Variants in METTL9 observed in about 807,000 individuals in gnomAD.
METTL9 encodes methyltransferase 9, His-X-His N1(pi)-histidine, also known as protein-L-histidine N-pros-methyltransferase.
METTL9 carries 10 observed loss-of-function variants against 36.0 expected under a neutral mutation model. The ratio of observed to expected loss-of-function variants is 0.28; its 90% CI spans 0.17 to 0.47. The LOEUF (loss-of-function observed/expected upper bound fraction) is 0.47. Ranked by LOEUF, METTL9 falls within the 20% of genes least tolerant of loss-of-function variation. The probability of loss-of-function intolerance (pLI) is 0.99; values close to 1 mark genes in which losing one functional copy is unlikely to be tolerated. For missense variants in METTL9, 246 were observed against 383.5 expected (o/e 0.64, Z 3.00); for synonymous variants, 175 against 149.7 (o/e 1.17, Z -1.23).
At chr16:21,645,298 C>T (rs1246301635) in intron 4 of METTL9, among the ~76,000 whole-genome samples, 1 of 152,018 alleles carries the variant, frequency 6.6e-6, no homozygotes, top group Non-Finnish European at 1.5e-5. Context: ...ACTAAAAATA[C>T]CAAAATTAGC....
intron 4 of METTL9, chr16:21,641,523 T>G (rs779697190): frequency 1.5e-5 from 24 of 1,554,706 alleles, no homozygotes; most frequent in Non-Finnish European, 1.9e-5. Context: ...TCATTGAAAA[T>G]TAAAACGTTT....
intron 4 of METTL9, chr16:21,626,973 C>G (rs1965830123): frequency 1.0e-6 from 1 of 985,308 alleles, no homozygotes; most frequent in Non-Finnish European, 1.2e-6. Flanking sequence ...AGAGGGAAGT[C>G]TCCATGAAGT....
intron 4 of METTL9, among the ~76,000 whole-genome samples, chr16:21,636,289 G>A (rs188872226): frequency 8.5e-5 from 13 of 152,318 alleles, no homozygotes; most frequent in African/African-American, 3.1e-4. Flanking sequence ...TAAAATTCCA[G>A]AGTTCCCCCT....
intron 4 of METTL9, among the ~76,000 whole-genome samples, chr16:21,633,063 C>T (rs891777260): frequency 1.3e-5 from 2 of 152,106 alleles, no homozygotes; most frequent in African/African-American, 2.4e-5. Flanking sequence ...CTGGCTATCT[C>T]GCTGTATCTG....
chr16:21,616,956 CT>C (rs989955463), intron 2 of METTL9, among the ~76,000 whole-genome samples: 4 of 152,132 alleles, frequency 2.6e-5, no homozygotes, highest in African/African-American at 9.7e-5. Flanking sequence ...TCACATTCAT[CT>C]CTTACTTATT....
Position 21,655,668 on chromosome 16 carries a change from T to C in METTL9, c.*236T>C, listed in dbSNP as rs1323858385. The C allele has an allele frequency of 2.1e-6, 1 of 467,630 alleles. No homozygotes were observed. Among genetic ancestry groups the C allele is most frequent in the Non-Finnish European group, 3.8e-6 (1 of 264,338 alleles). 29.0% of individuals were successfully genotyped at this position (467,630 alleles called of 1,614,324 possible). A position where few individuals can be genotyped will look rare whatever the true frequency, so the allele number is the denominator to read the frequency against. Reference sequence around the variant, plus strand: ...TTATCAACTCTTTACTCAGAGCCACTCTCCAATGCAGGTCACACTCCAATT... The same window carrying C: ...TTATCAACTCTTTACTCAGAGCCACCCTCCAATGCAGGTCACACTCCAATT... On this transcript the variant is annotated 3_prime_UTR_variant, in exon 5 of 5. Transcript: ENST00000358154.
intron 4 of METTL9, among the ~76,000 whole-genome samples, chr16:21,638,460 C>A (rs1966162598): frequency 6.6e-6 from 1 of 152,132 alleles, no homozygotes; most frequent in Non-Finnish European, 1.5e-5. Flanking sequence ...CTACATATCT[C>A]AATTTAAATG....
At chr16:21,631,366 G>A (rs377434482) in intron 4 of METTL9, among the ~76,000 whole-genome samples, 2 of 152,076 alleles carry the variant, frequency 1.3e-5, no homozygotes, top group African/African-American at 4.8e-5. Context: ...TTTAAGTTTG[G>A]GATTTCAATT....
chr16:21,605,254 C>CTTTT (rs1555488566), intron 1 of METTL9, among the ~76,000 whole-genome samples: 1 of 41,798 alleles, frequency 2.4e-5, no homozygotes, highest in Non-Finnish European at 4.9e-5. Context: ...ATAGGCTTGC[C>CTTTT]TTCTTTTTTT....
chr16:21,637,258 AGC>A (rs1372413842), intron 4 of METTL9, among the ~76,000 whole-genome samples: 1 of 152,120 alleles, frequency 6.6e-6, no homozygotes, highest in Non-Finnish European at 1.5e-5. Flanking sequence ...GTTTTGACAG[AGC>A]GCTGATTTGT....
At chr16:21,643,480 T>C in intron 4 of METTL9, 4 of 1,022,916 alleles carry the variant, frequency 3.9e-6, no homozygotes, top group East Asian at 2.5e-5. Context: ...AGCTAAAAAA[T>C]ATTTCAGTTT....
At chr16:21,598,301 A>T (rs949057386), upstream of METTL9, among the ~76,000 whole-genome samples, 3 of 149,830 alleles carry the variant, frequency 2.0e-5, no homozygotes, top group African/African-American at 7.4e-5. Flanking sequence ...GTGAGCCGAG[A>T]TCGAGCCACT....
At chr16:21,652,566 G>T in intron 4 of METTL9, 2 of 1,611,062 alleles carry the variant, frequency 1.2e-6, no homozygotes, top group Non-Finnish European at 1.7e-6. Flanking sequence ...TTTGCAGATG[G>T]CGAGCGATGT....
At position 21,656,752 on chromosome 16, in the gene METTL9, C is replaced by G. The variant is rs1966719890; in HGVS notation, c.*1320C>G. 6.6e-6 allele frequency: 1 copy of G among 152,146 alleles called. No individual in the cohort carries two copies. Among genetic ancestry groups the G allele is most frequent in the South Asian group, 2.1e-4 (1 of 4,832 alleles). The allele number at this position is 152,146 out of a possible 1,614,324, so 9.4% of individuals were successfully genotyped here. A position where few individuals can be genotyped will look rare whatever the true frequency, so the allele number is the denominator to read the frequency against. On this transcript the variant is annotated 3_prime_UTR_variant, in exon 5 of 5. Transcript: ENST00000358154. ...TCAGATCAACACATTCACTCCAACACCTGGGTATAAAGGCGAATTAAAACC... is the reference window on the plus strand; with the variant it reads ...TCAGATCAACACATTCACTCCAACAGCTGGGTATAAAGGCGAATTAAAACC...
At chr16:21,624,808 A>G in intron 3 of METTL9, 123 bp from the exon 4 acceptor site, 4 of 836,718 alleles carry the variant, frequency 4.8e-6, no homozygotes, top group Non-Finnish European at 7.5e-6. Flanking sequence ...AACATAAATT[A>G]TAACAGAAGA....
intron 4 of METTL9, chr16:21,647,427 C>T: frequency 6.2e-7 from 1 of 1,614,072 alleles, no homozygotes. Flanking sequence ...GTGACGGCCT[C>T]ATGAGTGTAG....
intron 4 of METTL9, among the ~76,000 whole-genome samples, chr16:21,631,806 G>A (rs1965969273): frequency 6.6e-6 from 1 of 152,182 alleles, no homozygotes; most frequent in Non-Finnish European, 1.5e-5. Context: ...GTGTTACAGG[G>A]TTACAGAGAA....
In METTL9 at chr16:21,628,892, C is replaced by CT. The variant is rs35688864; in HGVS notation, c.751+3791dup. Among the ~76,000 whole-genome samples, 458 of 130,006 alleles carry CT rather than the reference C, an allele frequency of 3.5e-3. 2 individuals are homozygous for CT. The highest frequency in any genetic ancestry group is 0.016 in the East Asian group (72 of 4,622). 85.3% of individuals were successfully genotyped at this position (130,006 alleles called of 152,430 possible). A position where few individuals can be genotyped will look rare whatever the true frequency, so the allele number is the denominator to read the frequency against. Reference sequence around the variant, plus strand: ...TGCTGTTGTTTGGCTTGAGATGTTTCTTTTTTTTTTTTTTGGAGATGGAGT... The same window carrying CT: ...TGCTGTTGTTTGGCTTGAGATGTTTCTTTTTTTTTTTTTTTGGAGATGGAGT... On this transcript the variant is annotated intron_variant, in intron 4 of 4. Coordinates refer to ENST00000358154, the MANE Select transcript of METTL9 (RefSeq NM_016025.5).
chr16:21,621,467 A>G (rs1965691308), intron 3 of METTL9, among the ~76,000 whole-genome samples: 1 of 152,120 alleles, frequency 6.6e-6, no homozygotes, highest in Admixed American at 6.5e-5. Flanking sequence ...CTGGGATTAC[A>G]GGCGCATGCC....
Sources: gnomAD v4.1 joint callset for allele counts (sites outside exome capture counted in the v4.1 genomes callset) on GRCh38, gnomAD v4.1.1 for gene constraint, MANE v1.5 for transcripts, NCBI Gene and HGNC (gene_info 2026-07-23, HGNC 2026-07-21) for gene names.